Variants in SLX9 observed in about 807,000 individuals in gnomAD.
SLX9 encodes ribosome biogenesis protein SLX9 homolog.
In SLX9, 19 loss-of-function variants were observed where a neutral mutation model predicts 20.8. The observed-to-expected ratio is 0.91, with a 90% CI of 0.64 to 1.34. The LOEUF (loss-of-function observed/expected upper bound fraction) is 1.34, where lower values mean the gene tolerates loss of function less well. SLX9 is among the 40% of genes most tolerant of loss of function. SLX9 has a pLI of 0.00. For missense variants in SLX9, 299 were observed against 322.2 expected (o/e 0.93, Z 0.55); for synonymous variants, 113 against 137.1 (o/e 0.82, Z 1.23).
At chr21:44,976,454 G>A (rs2085264482) in intron 5 of SLX9, among the ~76,000 whole-genome samples, 1 of 152,230 alleles carries the variant, frequency 6.6e-6, no homozygotes, top group Non-Finnish European at 1.5e-5. Flanking sequence ...CACCTCAACG[G>A]CAGACCCCAC....
intron 2 of SLX9, among the ~76,000 whole-genome samples, chr21:44,954,071 A>G (rs59318141): frequency 0.079 from 11,961 of 152,046 alleles, 1,523 homozygotes; most frequent in African/African-American, 0.27. Flanking sequence ...GGCACATGCT[A>G]CATCCACCAT....
chr21:44,958,782 G>A (rs1247916236), intron 2 of SLX9, among the ~76,000 whole-genome samples: 1 of 152,186 alleles, frequency 6.6e-6, no homozygotes, highest in East Asian at 1.9e-4. Flanking sequence ...CAGGAGCAGC[G>A]TGTTTGGTTC....
intron 3 of SLX9, among the ~76,000 whole-genome samples, chr21:44,964,727 C>T (rs546588836): frequency 2.7e-4 from 41 of 152,364 alleles, no homozygotes; most frequent in Middle Eastern, 6.8e-3. Flanking sequence ...CAGCTCCCTC[C>T]GTCCTCGAAC....
rs561781165 is a variant in SLX9, at chr21:44,971,887, C to T, written c.501-1310C>T. ...GAGATGTCGTCAGCCCCGGCAGAGC[C>T]CCTGCAATGAATGGAGCTGTGGCTT... On this transcript the variant is annotated intron_variant, in intron 4 of 5. Transcript: ENST00000291634. 3.9e-5 allele frequency among the ~76,000 whole-genome samples: 6 copies of T among 152,254 alleles called. No homozygotes were observed. In the South Asian group the frequency reaches 1.2e-3, roughly 32 times the overall value.
rs370884540 is a variant in SLX9 at position 44,963,237 on chromosome 21, C to T, written c.352+3069C>T. 1.1e-4 allele frequency among the ~76,000 whole-genome samples: 17 copies of T among 151,920 alleles called. 1 individual carries two copies. The highest frequency in any genetic ancestry group is 9.2e-4 in the Admixed American group (14 of 15,260). On this transcript the variant is annotated intron_variant, in intron 3 of 5. Transcript: ENST00000291634. Reference sequence around the variant, plus strand: ...CTGAGTAGCCGGGACTACAGGCACCCGCCACCGTGCCCGGCTAATTTTTTT... The same window carrying T: ...CTGAGTAGCCGGGACTACAGGCACCTGCCACCGTGCCCGGCTAATTTTTTT...
intron 3 of SLX9, among the ~76,000 whole-genome samples, chr21:44,961,649 T>A (rs9981033): frequency 0.17 from 26,249 of 152,230 alleles, 2,390 homozygotes; most frequent in Non-Finnish European, 0.2. Context: ...TGCCTTCTTA[T>A]TAAATATTCT....
chr21:44,946,545 C>T (rs900148205), intron 2 of SLX9, among the ~76,000 whole-genome samples: 4 of 152,226 alleles, frequency 2.6e-5, no homozygotes, highest in Non-Finnish European at 5.9e-5. Flanking sequence ...TGTGCACTGC[C>T]CATGGCTGTG....
chr21:44,943,906 A>C lies in SLX9; in HGVS notation c.283+69A>C. The C allele has an allele frequency of 2.2e-5, 35 of 1,597,620 alleles. 1 individual carries two copies. In the Middle Eastern group the frequency reaches 4.5e-3, roughly 205 times the overall value. On this transcript the variant is annotated intron_variant, in intron 2 of 5. Transcript: ENST00000291634. ...CTGGGATTGTTCCCTCAGGCACCCG[A>C]GGTCTCAGCAGCTTTCCAGCTAACC...
At chr21:44,945,527 G>A (rs2084626217) in intron 2 of SLX9, among the ~76,000 whole-genome samples, 1 of 152,152 alleles carries the variant, frequency 6.6e-6, no homozygotes, top group African/African-American at 2.4e-5. Context: ...TGCACTGACT[G>A]TCACGTCCCC....
intron 2 of SLX9, among the ~76,000 whole-genome samples, chr21:44,947,996 C>T (rs1345807157): frequency 1.3e-5 from 2 of 152,236 alleles, no homozygotes; most frequent in Non-Finnish European, 2.9e-5. Context: ...TCTCCTGAGC[C>T]TCCCCCAACG....
intron 4 of SLX9, among the ~76,000 whole-genome samples, chr21:44,971,128 G>A (rs1223490765): frequency 6.6e-6 from 1 of 151,928 alleles, no homozygotes; most frequent in Admixed American, 6.5e-5. Flanking sequence ...GACCCCCCAT[G>A]CTGTGGACCT....
intron 3 of SLX9, among the ~76,000 whole-genome samples, chr21:44,965,613 G>A (rs905342108): frequency 2.0e-5 from 3 of 152,208 alleles, no homozygotes; most frequent in Non-Finnish European, 4.4e-5. Context: ...AGGCTTTCTT[G>A]CCTCTTGAGT....
chr21:44,967,323 G>T, intron 4 of SLX9, 142 bp downstream of exon 4: 3 of 1,244,210 alleles, frequency 2.4e-6, no homozygotes, highest in East Asian at 2.6e-5. Context: ...CCGGTGCTCC[G>T]CACAGGTACC....
At chr21:44,966,662 C>G (rs2085041156) in intron 3 of SLX9, among the ~76,000 whole-genome samples, 1 of 152,150 alleles carries the variant, frequency 6.6e-6, no homozygotes. Flanking sequence ...CAGGCTGTGA[C>G]TTGCCATCTT....
intron 4 of SLX9, among the ~76,000 whole-genome samples, chr21:44,970,664 T>C (rs891177989): frequency 6.6e-6 from 1 of 152,212 alleles, no homozygotes; most frequent in Non-Finnish European, 1.5e-5. Flanking sequence ...TCTTGGACTC[T>C]GATGTGCTTT....
chr21:44,966,959 C>A lies in SLX9; in HGVS notation c.353-75C>A. ...GGGCCGGGCACCCTGCCAGGTCTCT[C>A]GTGGGCCAGAGGCTCTGGGCCTGGG... On this transcript the variant is annotated intron_variant, in intron 3 of 5. Coordinates refer to ENST00000291634, the MANE Select transcript of SLX9 (RefSeq NM_058190.4). The A allele has an allele frequency of 1.9e-6, 3 of 1,542,702 alleles. No individual in the cohort carries two copies. The South Asian group carries it at 3.6e-5, about 18-fold the overall frequency.
intron 4 of SLX9, chr21:44,969,008 C>T (rs2085091920): frequency 2.7e-6 from 1 of 377,012 alleles, no homozygotes; most frequent in Middle Eastern, 9.2e-4. Flanking sequence ...CCGCCTCGGC[C>T]TCCCAAAGTG....
chr21:44,969,326 C>T (rs1482761702), intron 4 of SLX9: 1 of 422,954 alleles, frequency 2.4e-6, no homozygotes. Context: ...AAAAATGTGA[C>T]CCTGGTCAAG....
intron 4 of SLX9, among the ~76,000 whole-genome samples, chr21:44,971,699 A>AG (rs35504364): frequency 1 from 152,214 of 152,218 alleles, 76,105 homozygotes; most frequent in Middle Eastern, 1. Context: ...CACCTAGAGG[A>AG]GGGGCCCCAC....
Sources: allele counts gnomAD v4.1 joint callset (sites outside exome capture counted in the v4.1 genomes callset), GRCh38; gene constraint gnomAD v4.1.1; transcripts MANE v1.5; gene names NCBI Gene and HGNC (gene_info 2026-07-23, HGNC 2026-07-21).